NTRK1: variants seen among roughly 807,000 people sequenced by gnomAD.
NTRK1 encodes neurotrophic receptor tyrosine kinase 1.
In NTRK1, 62 loss-of-function variants were observed where a neutral mutation model predicts 86.8. That is an observed-to-expected ratio of 0.71 (90% CI 0.58 to 0.88). The LOEUF is 0.88. Ranked by LOEUF, NTRK1 falls within the 40% of genes least tolerant of loss-of-function variation. NTRK1 has a pLI of 0.00. For missense variants in NTRK1, 967 were observed against 1,078.4 expected (o/e 0.90, Z 1.45); for synonymous variants, 469 against 456.6 (o/e 1.03, Z -0.35).
intron 2 of NTRK1, chr1:156,845,299 G>A: frequency 6.2e-7 from 1 of 1,612,780 alleles, no homozygotes; most frequent in Non-Finnish European, 8.5e-7. Context: ...CTGAGTCCCT[G>A]GGGAGAGCGA....
chr1:156,868,169 A>T lies in NTRK1; in HGVS notation c.494A>T (p.Glu165Val). ...ALRWLQRWEEEGLGGVPEQKL... is the reference protein window; with the variant it reads ...ALRWLQRWEEVGLGGVPEQKL... ...CGCTGGCTACAGCGCTGGGAGGAGG[A>T]GGGACTGGGCGGAGTGCCTGAACAG... The change falls in exon 5 of 17, where the codon GAG (glutamate) becomes GTG (valine). Residue 165 changes from glutamate (E) to valine (V), a missense_variant. Transcript: ENST00000524377. The T allele has an allele frequency of 6.2e-7, 1 of 1,613,794 alleles. No individual in the cohort carries two copies.
chr1:156,829,592 T>C (rs1654412444), intron 1 of NTRK1, among the ~76,000 whole-genome samples: 2 of 152,094 alleles, frequency 1.3e-5, no homozygotes, highest in African/African-American at 4.8e-5. Flanking sequence ...GATGACACTA[T>C]AAGGAGGAGG....
intron 6 of NTRK1, among the ~76,000 whole-genome samples, chr1:156,871,006 G>A (rs1216646803): frequency 6.6e-6 from 1 of 152,194 alleles, no homozygotes; most frequent in African/African-American, 2.4e-5. Context: ...TCTAACTGCT[G>A]CTGTGCTATT....
intron 1 of NTRK1, among the ~76,000 whole-genome samples, chr1:156,862,254 A>G (rs1359331731): frequency 2.6e-5 from 4 of 152,038 alleles, no homozygotes; most frequent in South Asian, 2.1e-4. Flanking sequence ...AAGGCACTCA[A>G]TCTCTCTCTC....
At chr1:156,862,774 C>T (rs1202433822) in intron 1 of NTRK1, among the ~76,000 whole-genome samples, 1 of 152,208 alleles carries the variant, frequency 6.6e-6, no homozygotes, top group Admixed American at 6.5e-5. Context: ...TTCTCACCCC[C>T]TCCCTGGGTC....
chr1:156,844,139 GA>G, intron 2 of NTRK1: 2 of 1,489,000 alleles, frequency 1.3e-6, no homozygotes, highest in Non-Finnish European at 9.3e-7. Context: ...GGCTCAGGGA[GA>G]AAAGGGGGTG....
chr1:156,822,265 T>A (rs560260308), intron 1 of NTRK1, among the ~76,000 whole-genome samples: 1 of 152,300 alleles, frequency 6.6e-6, no homozygotes, highest in African/African-American at 2.4e-5. Context: ...TACTTATTCC[T>A]TAAGAAGGGA....
At chr1:156,879,446 T>C (rs2102925772) in intron 15 of NTRK1, 84 bp downstream of exon 15, 1 of 1,506,264 alleles carries the variant, frequency 6.6e-7, no homozygotes, top group Admixed American at 1.9e-5. Flanking sequence ...AGCCTGCCCT[T>C]GCTAGGATGG....
Position 156,871,753 on chromosome 1 carries a change from C to G in NTRK1, c.848C>G (p.Ser283Cys), listed in dbSNP as rs2102900425. Reference sequence around the variant, plus strand: ...GAGGTCTCTGTTCAGGTCAACGTCTCCTGTGAGTCTCAGTGGCAGCTCCGG... The same window carrying G: ...GAGGTCTCTGTTCAGGTCAACGTCTGCTGTGAGTCTCAGTGGCAGCTCCGG... ...RAEVSVQVNV[S>C]FPASVQLHTA... The change falls in exon 7 of 17, where the codon TCC becomes TGC. Residue 283 changes from serine to cysteine, a missense_variant and splice_region_variant. Coordinates refer to ENST00000524377, the MANE Select transcript of NTRK1 (RefSeq NM_002529.4). 1 of 1,614,126 alleles carries G rather than the reference C, an allele frequency of 6.2e-7. No individual in the cohort carries two copies. The highest frequency in any genetic ancestry group is 8.5e-7 in the Non-Finnish European group (1 of 1,180,034).
rs994643260 is a variant in NTRK1 at position 156,860,966 on chromosome 1, G to C, written c.32G>C (p.Gly11Ala). 2 of 1,513,714 alleles carry C rather than the reference G, an allele frequency of 1.3e-6. No individual in the cohort carries two copies. The highest frequency in any genetic ancestry group is 4.1e-5 in the Admixed American group (2 of 48,996). 93.8% of individuals were successfully genotyped at this position (1,513,714 alleles called of 1,614,324 possible). A position where few individuals can be genotyped will look rare whatever the true frequency, so the allele number is the denominator to read the frequency against. The change falls in exon 1 of 17, where the codon GGC becomes GCC. Residue 11 changes from glycine to alanine, a missense_variant. Transcript: ENST00000524377. ...CGAGGCGGACGGCGCGGGCAGCTTG[G>C]CTGGCACAGCTGGGCTGCGGGGCCG... Reference protein sequence around the residue: MLRGGRRGQLGWHSWAAGPGS... With the variant: MLRGGRRGQLAWHSWAAGPGS...
At chr1:156,851,407 C>T (rs948495329) in intron 2 of NTRK1, 3 of 1,613,984 alleles carry the variant, frequency 1.9e-6, no homozygotes, top group African/African-American at 2.7e-5. Context: ...CAGCCCCAGG[C>T]TGTGCTGCAG....
Position 156,864,806 on chromosome 1 carries a change from G to T in NTRK1, c.359+7G>T, listed in dbSNP as rs1282942388. 6.2e-7 allele frequency: 1 copy of T among 1,612,446 alleles called. No homozygotes were observed. Among genetic ancestry groups the T allele is most frequent in the Admixed American group, 1.7e-5 (1 of 59,832 alleles). On this transcript the variant is annotated splice_region_variant and intron_variant, in intron 3 of 16. Transcript: ENST00000524377. ...CTCCTCGGCTCAGTCGCCTGTGAGT[G>T]TGGCCAGTGCTGGGCAGTGGGAGTT...
At chr1:156,876,003 C>T (rs1274645050) in intron 12 of NTRK1, 77 bp from the exon 13 acceptor site, 2 of 1,605,352 alleles carry the variant, frequency 1.2e-6, no homozygotes, top group African/African-American at 2.7e-5. Flanking sequence ...AGCACACAGC[C>T]CTGCCAAGAC....
intron 1 of NTRK1, chr1:156,840,585 G>C: frequency 2.1e-6 from 1 of 475,478 alleles, no homozygotes; most frequent in South Asian, 2.4e-5. Context: ...TTCCTAGTCT[G>C]AGTGGGGTCC....
At chr1:156,841,486 T>C (rs753613162) in intron 1 of NTRK1, 5 of 1,613,974 alleles carry the variant, frequency 3.1e-6, no homozygotes, top group Non-Finnish European at 4.2e-6. Flanking sequence ...GGTAGGGTTG[T>C]TCTGCCAGGG....
rs996948714 is a variant in NTRK1 at position 156,860,876 on chromosome 1, A to C, written c.-59A>C. On this transcript the variant is annotated 5_prime_UTR_variant, in exon 1 of 17. Coordinates refer to ENST00000524377, the MANE Select transcript of NTRK1 (RefSeq NM_002529.4). ...GCGCACATGTCGGGGGAGGCCTGGC[A>C]GCTGCAGCTGGGAGCGCACAGACGG... The C allele has an allele frequency of 2.2e-6, 3 of 1,389,724 alleles. No individual in the cohort carries two copies. The Admixed American group carries it at 1.1e-4, about 51-fold the overall frequency. The allele number at this position is 1,389,724 out of a possible 1,614,324, so 86.1% of individuals were successfully genotyped here.
At chr1:156,872,940 G>A (rs1647645967) in intron 7 of NTRK1, among the ~76,000 whole-genome samples, 1 of 151,782 alleles carries the variant, frequency 6.6e-6, no homozygotes, top group African/African-American at 2.4e-5. Context: ...GCCTCCCAAA[G>A]TATTGGAATT....
At chr1:156,845,874 C>G (rs559005457) in intron 2 of NTRK1, 16 of 1,600,298 alleles carry the variant, frequency 1.0e-5, no homozygotes, top group South Asian at 5.6e-5. Flanking sequence ...CTGATCCCCC[C>G]CACCTGCCGG....
intron 15 of NTRK1, 31 bp downstream of exon 15, chr1:156,879,393 C>A: frequency 6.3e-7 from 1 of 1,581,912 alleles, no homozygotes; most frequent in South Asian, 1.1e-5. Context: ...ACGCCTTCCC[C>A]TGCATCCAAA....
Sources: allele counts gnomAD v4.1 joint callset (sites outside exome capture counted in the v4.1 genomes callset), GRCh38; gene constraint gnomAD v4.1.1; transcripts MANE v1.5; gene names NCBI Gene and HGNC (gene_info 2026-07-23, HGNC 2026-07-21).